VPS39: variants seen among roughly 807,000 people sequenced by gnomAD.
The protein encoded by VPS39 is VPS39 subunit of HOPS complex.
VPS39 carries 70 observed loss-of-function variants against 121.0 expected under a neutral mutation model. The observed-to-expected ratio is 0.58, with a 90% CI of 0.48 to 0.71. The LOEUF is 0.71. Among genes scored for constraint, VPS39 ranks in the 30% least tolerant of loss-of-function variants. The pLI is 0.00. For missense variants in VPS39, 818 were observed against 1,051.5 expected, an observed-to-expected ratio of 0.78 and a Z score of 3.07; for synonymous variants, 378 against 398.1, an observed-to-expected ratio of 0.95 and a Z score of 0.60.
chr15:42,187,671 T>C (rs530341123), intron 6 of VPS39, 87 bp downstream of exon 6: 14 of 1,186,090 alleles, frequency 1.2e-5, no homozygotes, highest in African/African-American at 6.0e-5. Flanking sequence ...TTGCGTAGAA[T>C]GACAAGACTG....
At chr15:42,181,880 TTAAATGTA>T (rs1332627976) in intron 8 of VPS39, among the ~76,000 whole-genome samples, 6 of 152,200 alleles carry the variant, frequency 3.9e-5, no homozygotes, top group Non-Finnish European at 7.3e-5. Flanking sequence ...AGCTAATTTC[TTAAATGTA>T]TTTTTTGTAG....
At position 42,163,367 on chromosome 15, in the gene VPS39, T is replaced by C. The variant is rs1318754936; in HGVS notation, c.2158A>G (p.Lys720Glu). 2 of 1,614,190 alleles carry C rather than the reference T, an allele frequency of 1.2e-6. No homozygotes were observed. Among genetic ancestry groups the C allele is most frequent in the South Asian group, 1.1e-5 (1 of 91,086 alleles). Residue 720 changes from lysine to glutamate, a missense_variant, in exon 21 of 25, where the codon AAA becomes GAA. Physicochemically the swap from Lys to Glu is moderately conservative, Grantham distance 56. Coordinates refer to ENST00000318006, the MANE Select transcript of VPS39 (RefSeq NM_015289.5). ...EYCHKHYDRN[K>E]DGNKDVYLSL... Reference sequence around the variant, plus strand: ...CTACTCACATCTTTGTTGCCATCTTTGTTTCGGTCATAGTGTTTGTGGCAG... The same window carrying C: ...CTACTCACATCTTTGTTGCCATCTTCGTTTCGGTCATAGTGTTTGTGGCAG...
chr15:42,198,697 CCTAA>C lies in VPS39; in HGVS notation c.139+1195_139+1198del, dbSNP rs151257937. ...AGATCAACAATGTACTGCTCCAGGG[CCTAA>C]CTGAGGCCTTTGCATGTTTTTGTAA... is the stretch of plus-strand genomic sequence containing the variant. On this transcript the variant is annotated intron_variant, in intron 2 of 24. Transcript: ENST00000318006. Among the ~76,000 whole-genome samples, 1,348 of 152,262 alleles carry C rather than the reference CCTAA, an allele frequency of 8.9e-3. 17 individuals carry two copies. The highest frequency in any genetic ancestry group is 0.031 in the African/African-American group (1,280 of 41,548).
At chr15:42,197,060 A>G (rs1382460736) in intron 2 of VPS39, among the ~76,000 whole-genome samples, 1 of 151,768 alleles carries the variant, frequency 6.6e-6, no homozygotes, top group East Asian at 1.9e-4. Flanking sequence ...CATTCTCAGC[A>G]AACTATTGCA....
intron 3 of VPS39, 40 bp from the exon 4 acceptor site, chr15:42,191,207 T>C (rs756883305): frequency 1.4e-5 from 22 of 1,608,428 alleles, no homozygotes; most frequent in Non-Finnish European, 1.7e-5. Flanking sequence ...TAAACATTTC[T>C]GACAAGGTTT....
chr15:42,161,226 A>G (rs905036475), intron 24 of VPS39: 7 of 310,568 alleles, frequency 2.3e-5, no homozygotes, highest in African/African-American at 8.5e-5. Context: ...TTCCAGCTAC[A>G]TAAGAGACAA....
Position 42,160,064 on chromosome 15 carries a change from CA to C in VPS39, c.*689del, listed in dbSNP as rs2049099124. 1 of 152,462 alleles carries C rather than the reference CA, an allele frequency of 6.6e-6. No homozygotes were observed. Among genetic ancestry groups the C allele is most frequent in the African/African-American group, 2.4e-5 (1 of 41,458 alleles). 9.4% of individuals were successfully genotyped at this position (152,462 alleles called of 1,614,324 possible). A position where few individuals can be genotyped will look rare whatever the true frequency, so the allele number is the denominator to read the frequency against. ...GAGGGTCTATTTACAACATACCTGACAATCAACTAGCACTGTATTCCTAGAA... is the reference window on the plus strand; with the variant it reads ...GAGGGTCTATTTACAACATACCTGACATCAACTAGCACTGTATTCCTAGAA... On this transcript the variant is annotated 3_prime_UTR_variant, in exon 25 of 25. Coordinates refer to ENST00000318006, the MANE Select transcript of VPS39 (RefSeq NM_015289.5).
At chr15:42,178,725 AAG>A in intron 8 of VPS39, 155 bp from the exon 9 acceptor site, 1 of 1,143,992 alleles carries the variant, frequency 8.7e-7, no homozygotes, top group Non-Finnish European at 1.2e-6. Flanking sequence ...TTCAGAAAGA[AAG>A]AAAAAAAAAA....
chr15:42,163,087 A>G (rs1252784530), intron 21 of VPS39, among the ~76,000 whole-genome samples: 3 of 152,212 alleles, frequency 2.0e-5, no homozygotes, highest in African/African-American at 7.2e-5. Flanking sequence ...CGACAGGCAG[A>G]CCTCATAATT....
Position 42,187,343 on chromosome 15 carries a change from A to T in VPS39, c.462T>A (p.Asp154Glu). The change falls in exon 7 of 25, where the codon GAT (aspartate) becomes GAA (glutamate). Residue 154 changes from aspartate (D) to glutamate (E), a missense_variant. Coordinates refer to ENST00000318006, the MANE Select transcript of VPS39 (RefSeq NM_015289.5). ...CACACCACGCCATGGACTTGGGCACATCTGGCACACTAAAGTCCCCCTGAA... is the reference window on the plus strand; with the variant it reads ...CACACCACGCCATGGACTTGGGCACTTCTGGCACACTAAAGTCCCCCTGAA... ...HELQGDFSVP[D>E]VPKSMAWCEN... 1 of 1,612,324 alleles carries T rather than the reference A, an allele frequency of 6.2e-7. No individual in the cohort carries two copies. The highest frequency in any genetic ancestry group is 8.5e-7 in the Non-Finnish European group (1 of 1,179,614).
intron 1 of VPS39, among the ~76,000 whole-genome samples, chr15:42,201,110 A>G (rs1405081731): frequency 6.6e-6 from 1 of 152,164 alleles, no homozygotes; most frequent in Non-Finnish European, 1.5e-5. Flanking sequence ...ATGTTCTAAA[A>G]TTTATTGTGC....
At chr15:42,166,684 T>C (rs2049249386) in intron 14 of VPS39, 35 bp from the exon 15 acceptor site, 4 of 1,613,602 alleles carry the variant, frequency 2.5e-6, no homozygotes, top group Non-Finnish European at 3.4e-6. Context: ...GTCATGAGCC[T>C]TTTCCCCACG....
intron 11 of VPS39, 78 bp from the exon 12 acceptor site, chr15:42,169,944 T>C (rs1006107881): frequency 6.0e-5 from 84 of 1,400,662 alleles, no homozygotes; most frequent in Non-Finnish European, 7.6e-5. Context: ...ACTATTACTA[T>C]AGCAAAATAA....
chr15:42,199,420 G>T (rs1199850014), intron 2 of VPS39: 1 of 274,986 alleles, frequency 3.6e-6, no homozygotes. Context: ...CTTGCTCACG[G>T]TCACGCAGCC....
chr15:42,185,384 C>T (rs987112180), intron 7 of VPS39, among the ~76,000 whole-genome samples: 5 of 151,732 alleles, frequency 3.3e-5, no homozygotes, highest in Non-Finnish European at 5.9e-5. Context: ...GGGGTTTCAC[C>T]GTGTTAGCCA....
rs893642710 is a variant in VPS39 at position 42,160,643 on chromosome 15, C to G, written c.*111G>C. The G allele has an allele frequency of 1.5e-5, 14 of 944,064 alleles. No individual in the cohort carries two copies. In the African/African-American group the frequency reaches 2.3e-4, roughly 15 times the overall value. The allele number at this position is 944,064 out of a possible 1,614,324, so 58.5% of individuals were successfully genotyped here. On this transcript the variant is annotated 3_prime_UTR_variant, in exon 25 of 25. Coordinates refer to ENST00000318006, the MANE Select transcript of VPS39 (RefSeq NM_015289.5). ...CAGGGCACAAGATAGCCAGTAATGT[C>G]CAAATGGGGAGCCTTGTGGTGGTGG...
intron 7 of VPS39, among the ~76,000 whole-genome samples, chr15:42,186,260 C>T (rs2049699091): frequency 6.7e-6 from 1 of 148,416 alleles, no homozygotes. Flanking sequence ...ATTGTGACCC[C>T]ATCTCTACAA....
At chr15:42,188,561 T>C (rs942954165) in intron 5 of VPS39, among the ~76,000 whole-genome samples, 10 of 152,212 alleles carry the variant, frequency 6.6e-5, no homozygotes, top group Admixed American at 6.5e-5. Context: ...GTTTTTGTCC[T>C]CGGTTAGCTG....
intron 1 of VPS39, among the ~76,000 whole-genome samples, chr15:42,204,956 T>A (rs2050140382): frequency 6.6e-6 from 1 of 152,152 alleles, no homozygotes; most frequent in Non-Finnish European, 1.5e-5. Context: ...AGAACCAGGC[T>A]CTAGAAGCAG....
Sources: allele counts gnomAD v4.1 joint callset (sites outside exome capture counted in the v4.1 genomes callset), GRCh38; gene constraint gnomAD v4.1.1; transcripts MANE v1.5; gene names NCBI Gene and HGNC (gene_info 2026-07-23, HGNC 2026-07-21).